Variants in WBP2 observed in about 807,000 individuals in gnomAD.
WBP2 encodes WW domain binding protein 2.
In WBP2, 23 loss-of-function variants were observed where a neutral mutation model predicts 33.0. The ratio of observed to expected loss-of-function variants is 0.70; its 90% CI spans 0.50 to 0.99. WBP2 has a LOEUF of 0.99. Among genes scored for constraint, WBP2 ranks in the 50% least tolerant of loss-of-function variants. The probability of loss-of-function intolerance (pLI) is 0.00; values close to 1 mark genes in which losing one functional copy is unlikely to be tolerated. For missense variants in WBP2, 353 were observed against 358.0 expected (o/e 0.99, Z 0.11); for synonymous variants, 153 against 133.5 (o/e 1.15, Z -1.01).
At chr17:75,854,548 G>A (rs2065046333) in intron 1 of WBP2, among the ~76,000 whole-genome samples, 3 of 152,164 alleles carry the variant, frequency 2.0e-5, no homozygotes, top group Non-Finnish European at 2.9e-5. Flanking sequence ...AGAGAGGCAA[G>A]GGAATGACTA....
chr17:75,854,070 A>C (rs1019419509), intron 1 of WBP2, among the ~76,000 whole-genome samples: 1 of 145,704 alleles, frequency 6.9e-6, no homozygotes, highest in Non-Finnish European at 1.5e-5. Context: ...AAAAAAAAAA[A>C]AGAGAAGAGA....
chr17:75,849,091 G>A (rs549857247), intron 3 of WBP2: 5 of 247,204 alleles, frequency 2.0e-5, no homozygotes, highest in Admixed American at 1.0e-4. Context: ...GACAGACTCC[G>A]GCCCCTCTAG....
In WBP2 at chr17:75,847,854, T is replaced by G; in HGVS notation, c.474A>C (p.Pro158=). Residue 158 remains proline (P), a synonymous_variant, in exon 5 of 8, where the codon CCA becomes CCC. Coordinates refer to ENST00000254806, the MANE Select transcript of WBP2 (RefSeq NM_012478.4). ...MPSGAYVYPP[P]VANGMYPCPP... ...GGCAGGGGTACATTCCATTGGCGAC[T>G]GGCGGGGGATAGACATAGGCCCCGC... The G allele has an allele frequency of 6.4e-7, 1 of 1,555,776 alleles. No homozygotes were observed. Among genetic ancestry groups the G allele is most frequent in the Non-Finnish European group, 8.7e-7 (1 of 1,149,320 alleles).
chr17:75,847,280 G>A, intron 6 of WBP2: 3 of 853,504 alleles, frequency 3.5e-6, no homozygotes, highest in Non-Finnish European at 5.4e-6. Flanking sequence ...TCCCCGCCCA[G>A]GGCACATGGA....
In WBP2 at chr17:75,851,771, C is replaced by G. The variant is rs927613616; in HGVS notation, c.60-95G>C. On this transcript the variant is annotated intron_variant, in intron 1 of 7. Transcript: ENST00000254806. ...CTTTCTCCCAAGCAGCTGCCCGGCA[C>G]GTCAGCTCTCATAACCTCTCAATAG... 6 of 888,368 alleles carry G rather than the reference C, an allele frequency of 6.8e-6. No individual in the cohort carries two copies. The South Asian group carries it at 7.9e-5, about 12-fold the overall frequency. The allele number at this position is 888,368 out of a possible 1,614,324, so 55.0% of individuals were successfully genotyped here.
At chr17:75,853,629 A>T (rs2065040313) in intron 1 of WBP2, among the ~76,000 whole-genome samples, 1 of 152,158 alleles carries the variant, frequency 6.6e-6, no homozygotes, top group South Asian at 2.1e-4. Flanking sequence ...GCAACAAAAC[A>T]GTGTGAGGTG....
chr17:75,848,962 C>A, intron 3 of WBP2: 1 of 433,962 alleles, frequency 2.3e-6, no homozygotes, highest in Non-Finnish European at 4.2e-6. Context: ...GTGCCAAGGC[C>A]ACATCAAGGT....
intron 4 of WBP2, chr17:75,848,170 G>A (rs945066451): frequency 1.5e-5 from 9 of 613,914 alleles, no homozygotes; most frequent in South Asian, 5.8e-5. Context: ...GCTGGAGGGT[G>A]GACAGAGGCC....
At chr17:75,847,357 C>G in intron 6 of WBP2, 130 bp downstream of exon 6, 3 of 1,429,326 alleles carry the variant, frequency 2.1e-6, no homozygotes, top group Non-Finnish European at 9.5e-7. Flanking sequence ...CTGCTGGGCC[C>G]CTGGGGTAGT....
chr17:75,855,968 A>C (rs2065056371), upstream of WBP2, among the ~76,000 whole-genome samples: 1 of 152,086 alleles, frequency 6.6e-6, no homozygotes. Context: ...AGAGTCCCTC[A>C]TGGGAAGGGG....
At position 75,847,655 on chromosome 17, in the gene WBP2, G is replaced by A. The variant is rs766127347; in HGVS notation, c.533-46C>T. 3.3e-5 allele frequency: 53 copies of A among 1,611,248 alleles called. 1 individual carries two copies. The highest frequency in any genetic ancestry group is 2.3e-4 in the South Asian group (21 of 90,938). Reference sequence around the variant, plus strand: ...AAGGACATGGTGAGCACCCGGCTGCGGCCCCCTCCCGGGTGAGGGGGGCCT... The same window carrying A: ...AAGGACATGGTGAGCACCCGGCTGCAGCCCCCTCCCGGGTGAGGGGGGCCT... On this transcript the variant is annotated intron_variant, in intron 5 of 7. Transcript: ENST00000254806.
At chr17:75,853,493 G>C (rs1007599377) in intron 1 of WBP2, among the ~76,000 whole-genome samples, 2 of 152,158 alleles carry the variant, frequency 1.3e-5, no homozygotes, top group Non-Finnish European at 2.9e-5. Flanking sequence ...GTAGAAGGCC[G>C]AGCAGGATAG....
chr17:75,851,350 T>C (rs531744759), intron 2 of WBP2: 172 of 451,146 alleles, frequency 3.8e-4, no homozygotes, highest in African/African-American at 3.0e-3. Flanking sequence ...GGAATTGACA[T>C]GGGTTCACTG....
In WBP2 at chr17:75,846,926, G is replaced by T; in HGVS notation, c.714C>A (p.His238Gln). 6.2e-7 allele frequency: 1 copy of T among 1,614,172 alleles called. No individual in the cohort carries two copies. Among genetic ancestry groups the T allele is most frequent in the Non-Finnish European group, 8.5e-7 (1 of 1,180,002 alleles). Residue 238 changes from histidine (H) to glutamine (Q), a missense_variant, in exon 7 of 8, where the codon CAC becomes CAA. Coordinates refer to ENST00000254806, the MANE Select transcript of WBP2 (RefSeq NM_012478.4). The surrounding 1 kb of genome is among the most constrained non-coding windows in gnomAD (Gnocchi z 4.8). ...CTCTCACCGTGGGCATGTAGACGTT[G>T]TGAGGATTGCCTGGGTTGTAATAGG... ...ASAYYNPGNP[H>Q]NVYMPTSQPP...
At chr17:75,852,796 G>A in intron 1 of WBP2, 2 of 985,210 alleles carry the variant, frequency 2.0e-6, no homozygotes, top group Non-Finnish European at 1.2e-6. Context: ...TAGATGTTCT[G>A]TTTTTGCTGG....
chr17:75,855,229 G>A lies in WBP2; in HGVS notation c.59+10C>T. The A allele has an allele frequency of 3.9e-6, 6 of 1,552,776 alleles. No homozygotes were observed. The highest frequency in any genetic ancestry group is 4.4e-6 in the Non-Finnish European group (5 of 1,146,440). ...TTTGGTCCTCCAGGATCCTTCCGCAGTGTTTTCACCTCTCGGTGTTATTGA... is the reference window on the plus strand; with the variant it reads ...TTTGGTCCTCCAGGATCCTTCCGCAATGTTTTCACCTCTCGGTGTTATTGA... On this transcript the variant is annotated intron_variant, in intron 1 of 7. Coordinates refer to ENST00000254806, the MANE Select transcript of WBP2 (RefSeq NM_012478.4).
In WBP2 at chr17:75,846,850, C is replaced by T. The variant is rs113878830; in HGVS notation, c.732+58G>A. On this transcript the variant is annotated intron_variant, in intron 7 of 7. Transcript: ENST00000254806. The surrounding 1 kb of genome is among the most constrained non-coding windows in gnomAD (Gnocchi z 4.8). ...TTTAAAACATGGTGCGGTCATCCCC[C>T]TGCGGCTCCCAGCATCTGCGGCTGT... 11 of 1,612,632 alleles carry T rather than the reference C, an allele frequency of 6.8e-6. No individual in the cohort carries two copies. Among genetic ancestry groups the T allele is most frequent in the African/African-American group, 6.7e-5 (5 of 75,012 alleles).
In WBP2 at chr17:75,847,881, G is replaced by A; in HGVS notation, c.447C>T (p.Pro149=). The part of the protein sequence containing the change: ...PSGAYGYSYM[P]SGAYVYPPPV... ...GCGGGGGATAGACATAGGCCCCGCTGGGCATGTAAGAGTAGCCATAGGCTC... is the reference window on the plus strand; with the variant it reads ...GCGGGGGATAGACATAGGCCCCGCTAGGCATGTAAGAGTAGCCATAGGCTC... The change falls in exon 5 of 8, where the codon CCC becomes CCT. Residue 149 remains proline, a synonymous_variant. Transcript: ENST00000254806. 1 of 1,557,370 alleles carries A rather than the reference G, an allele frequency of 6.4e-7. No individual in the cohort carries two copies. Among genetic ancestry groups the A allele is most frequent in the East Asian group, 2.4e-5 (1 of 41,322 alleles).
chr17:75,851,314 T>TA (rs1450605303), intron 2 of WBP2: 2 of 390,908 alleles, frequency 5.1e-6, no homozygotes, highest in Admixed American at 3.5e-5. Flanking sequence ...CATCCAACTC[T>TA]ATAGAGATTT....
Sources: allele counts gnomAD v4.1 joint callset (sites outside exome capture counted in the v4.1 genomes callset), GRCh38; gene constraint gnomAD v4.1.1; non-coding constraint Gnocchi (gnomAD v3.1); transcripts MANE v1.5; gene names NCBI Gene and HGNC (gene_info 2026-07-23, HGNC 2026-07-21).